DSCAM: variants seen among roughly 807,000 people sequenced by gnomAD.
The protein encoded by DSCAM is DS cell adhesion molecule.
Under a neutral mutation model 217.7 loss-of-function variants are expected in DSCAM, and 47 were observed. The observed-to-expected ratio is 0.22, with a 90% CI of 0.17 to 0.28. The LOEUF is 0.28. Among genes scored for constraint, DSCAM ranks in the 10% least tolerant of loss-of-function variants. DSCAM has a pLI of 1.00. For missense variants in DSCAM, 2,080 were observed against 2,618.3 expected, an observed-to-expected ratio of 0.79 and a Z score of 4.49; for synonymous variants, 1,056 against 1,015.3, an observed-to-expected ratio of 1.04 and a Z score of -0.76.
chr21:40,404,009 T>C (rs987860523), intron 3 of DSCAM, among the ~76,000 whole-genome samples: 2 of 152,184 alleles, frequency 1.3e-5, no homozygotes, highest in African/African-American at 2.4e-5. Flanking sequence ...GAAACTGACA[T>C]AGATTATCTA....
chr21:40,605,748 C>T (rs10460679), intron 3 of DSCAM, among the ~76,000 whole-genome samples: 65,556 of 139,586 alleles, frequency 0.47, 14,739 homozygotes, highest in East Asian at 0.59. Context: ...GGGTTTTAAA[C>T]AAAAAATATG....
intron 1 of DSCAM, among the ~76,000 whole-genome samples, chr21:40,730,260 G>C (rs2146523919): frequency 6.6e-6 from 1 of 152,276 alleles, no homozygotes; most frequent in South Asian, 2.1e-4. Context: ...ATGTCCTGGA[G>C]GCATAATTTT....
intron 20 of DSCAM, among the ~76,000 whole-genome samples, chr21:40,113,728 A>G (rs1428744827): frequency 6.6e-6 from 1 of 152,208 alleles, no homozygotes; most frequent in Non-Finnish European, 1.5e-5. Flanking sequence ...AGGATACAAA[A>G]TCAATGTGCA....
chr21:40,615,335 C>CA, intron 3 of DSCAM: 1 of 147,874 alleles, frequency 6.8e-6, no homozygotes, highest in East Asian at 2.0e-4. Flanking sequence ...TATTATATAC[C>CA]AAAATGTTAA....
chr21:40,680,709 G>A (rs2090391760), intron 3 of DSCAM, among the ~76,000 whole-genome samples: 1 of 152,116 alleles, frequency 6.6e-6, no homozygotes. Context: ...GTATTTTCAG[G>A]AACTACACAC....
intron 26 of DSCAM, among the ~76,000 whole-genome samples, chr21:40,076,514 A>C (rs2089368194): frequency 6.6e-6 from 1 of 152,226 alleles, no homozygotes. Flanking sequence ...AATCTCTCTC[A>C]AGGAAAATAT....
At chr21:40,750,738 G>A (rs901671088) in intron 1 of DSCAM, among the ~76,000 whole-genome samples, 10 of 151,886 alleles carry the variant, frequency 6.6e-5, no homozygotes, top group South Asian at 2.1e-4. Flanking sequence ...TCCCTCACTC[G>A]ATGAGCAGTC....
rs1308722522 is a variant in DSCAM, at chr21:40,780,447, A to ATATATATC, written c.43+66171_43+66172insGATATATA. The stretch of plus-strand genomic sequence containing the variant: ...TGTATATATATATATATATATATAT[A>ATATATATC]TCTCCTGTTATCCTATTTATGAACT... On this transcript the variant is annotated intron_variant, in intron 1 of 32. Coordinates refer to ENST00000400454, the MANE Select transcript of DSCAM (RefSeq NM_001389.5). 4.5e-4 allele frequency among the ~76,000 whole-genome samples: 63 copies of ATATATATC among 141,406 alleles called. No individual in the cohort carries two copies. The East Asian group carries it at 5.0e-3, about 11-fold the overall frequency. 92.8% of individuals were successfully genotyped at this position (141,406 alleles called of 152,430 possible).
intron 9 of DSCAM, among the ~76,000 whole-genome samples, chr21:40,297,806 A>G (rs957640833): frequency 2.6e-5 from 4 of 152,246 alleles, no homozygotes; most frequent in Admixed American, 6.5e-5. Context: ...ATGAAGAAGC[A>G]CCAGAAAATA....
At position 40,708,518 on chromosome 21, in the gene DSCAM, A is replaced by C. The variant is rs188468461; in HGVS notation, c.297T>G (p.Thr99=). The change falls in exon 2 of 33, where the codon ACT becomes ACG. Residue 99 remains threonine, a synonymous_variant. Coordinates refer to ENST00000400454, the MANE Select transcript of DSCAM (RefSeq NM_001389.5). ...SSFSTLIHDN[T]YYCTAENPSG... is the part of the protein sequence containing the mutation. Reference sequence around the variant, plus strand: ...AAGGATTTTCAGCTGTGCAATAATAAGTATTATCATGGATTAAGGTACTGA... The same window carrying C: ...AAGGATTTTCAGCTGTGCAATAATACGTATTATCATGGATTAAGGTACTGA... The C allele has an allele frequency of 2.8e-3, 4,288 of 1,541,150 alleles. 20 individuals carry two copies. Among genetic ancestry groups the C allele is most frequent in the Non-Finnish European group, 3.2e-3 (3,680 of 1,140,304 alleles).
chr21:40,775,238 G>A (rs2091478148), intron 1 of DSCAM, among the ~76,000 whole-genome samples: 2 of 152,136 alleles, frequency 1.3e-5, no homozygotes, highest in Admixed American at 6.5e-5. Context: ...TAGCCATCTT[G>A]TTATTAAGCA....
intron 3 of DSCAM, among the ~76,000 whole-genome samples, chr21:40,605,359 T>C (rs1325465760): frequency 2.0e-5 from 3 of 152,210 alleles, no homozygotes; most frequent in East Asian, 3.8e-4. Flanking sequence ...AGAAAAGTCA[T>C]AGATTTTCAT....
At chr21:40,697,140 T>C (rs1054141561) in intron 2 of DSCAM, among the ~76,000 whole-genome samples, 2 of 152,170 alleles carry the variant, frequency 1.3e-5, no homozygotes, top group Admixed American at 1.3e-4. Context: ...CCAGATCCCA[T>C]ATGTGAGTGA....
intron 10 of DSCAM, among the ~76,000 whole-genome samples, chr21:40,295,426 TC>T (rs1392371791): frequency 6.6e-6 from 1 of 152,168 alleles, no homozygotes; most frequent in Admixed American, 6.5e-5. Flanking sequence ...TTGCATAATA[TC>T]TACAATGTCA....
chr21:40,808,642 T>G (rs949141337), intron 1 of DSCAM, among the ~76,000 whole-genome samples: 1 of 152,046 alleles, frequency 6.6e-6, no homozygotes, highest in East Asian at 1.9e-4. Context: ...ACCTACCTAA[T>G]TTTTTTCACT....
At chr21:40,045,563 G>A (rs75029581) in intron 30 of DSCAM, among the ~76,000 whole-genome samples, 6,886 of 152,252 alleles carry the variant, frequency 0.045, 324 homozygotes, top group African/African-American at 0.12. Context: ...CTACAACATC[G>A]CCTCTTCTGG....
chr21:40,348,672 T>C (rs1601574715), intron 5 of DSCAM, among the ~76,000 whole-genome samples: 2 of 152,374 alleles, frequency 1.3e-5, no homozygotes, highest in African/African-American at 4.8e-5. Context: ...TTTGCTATCA[T>C]ACTGCATGCA....
intron 1 of DSCAM, among the ~76,000 whole-genome samples, chr21:40,759,887 G>C (rs1013895607): frequency 3.9e-5 from 6 of 152,242 alleles, no homozygotes; most frequent in Admixed American, 3.3e-4. Flanking sequence ...ACATCAAAAG[G>C]GGGAGGTGAC....
intron 3 of DSCAM, among the ~76,000 whole-genome samples, chr21:40,539,678 G>A (rs2076528584): frequency 6.6e-6 from 1 of 151,946 alleles, no homozygotes. Context: ...GTTTTTTGTT[G>A]TTGGTCCTGT....
Sources: gnomAD v4.1 joint callset for allele counts (sites outside exome capture counted in the v4.1 genomes callset) on GRCh38, gnomAD v4.1.1 for gene constraint, MANE v1.5 for transcripts, NCBI Gene and HGNC (gene_info 2026-07-23, HGNC 2026-07-21) for gene names.